Variants in PLXNC1 observed in about 807,000 individuals in gnomAD.
The protein encoded by PLXNC1 is plexin C1, also known as plexin-C1.
In PLXNC1, 75 loss-of-function variants were observed where a neutral mutation model predicts 178.2. The observed-to-expected ratio is 0.42, with a 90% CI of 0.35 to 0.51. PLXNC1 has a LOEUF of 0.51. Ranked by LOEUF, PLXNC1 falls within the 20% of genes least tolerant of loss-of-function variation. The pLI, the probability that PLXNC1 is intolerant of heterozygous loss-of-function variation, is 0.02. For missense variants in PLXNC1, 1,503 were observed against 1,984.4 expected, an observed-to-expected ratio of 0.76 and a Z score of 4.61; for synonymous variants, 790 against 779.9, an observed-to-expected ratio of 1.01 and a Z score of -0.22.
chr12:94,180,907 G>A (rs141931155), intron 2 of PLXNC1, among the ~76,000 whole-genome samples: 484 of 152,164 alleles, frequency 3.2e-3, no homozygotes, highest in Non-Finnish European at 4.9e-3. Context: ...CCTGAAGAGC[G>A]GCTTTTTTTG....
intron 2 of PLXNC1, among the ~76,000 whole-genome samples, chr12:94,171,080 T>G (rs1961825429): frequency 6.6e-6 from 1 of 152,222 alleles, no homozygotes; most frequent in African/African-American, 2.4e-5. Context: ...CATGGTGAAT[T>G]GGAGGTGAAG....
At chr12:94,219,400 T>G (rs1963729154) in intron 5 of PLXNC1, among the ~76,000 whole-genome samples, 1 of 152,244 alleles carries the variant, frequency 6.6e-6, no homozygotes, top group Non-Finnish European at 1.5e-5. Flanking sequence ...AGTTGGACCC[T>G]TATCTCACAC....
At chr12:94,184,089 C>G (rs1406398289) in intron 3 of PLXNC1, among the ~76,000 whole-genome samples, 1 of 150,378 alleles carries the variant, frequency 6.6e-6, no homozygotes, top group Non-Finnish European at 1.5e-5. Context: ...GAGGGCAGGT[C>G]TAATGTAGTA....
chr12:94,243,040 A>C (rs933486231), intron 11 of PLXNC1, among the ~76,000 whole-genome samples: 1 of 152,246 alleles, frequency 6.6e-6, no homozygotes, highest in Non-Finnish European at 1.5e-5. Context: ...TGTGGCTCTA[A>C]ATGCTGGCCA....
At chr12:94,212,432 C>T (rs1454082916) in intron 5 of PLXNC1, among the ~76,000 whole-genome samples, 2 of 152,012 alleles carry the variant, frequency 1.3e-5, no homozygotes, top group Non-Finnish European at 2.9e-5. Flanking sequence ...CCCATCAGCT[C>T]GTCATTTACA....
At chr12:94,188,146 A>AG (rs1211312634) in intron 4 of PLXNC1, among the ~76,000 whole-genome samples, 1 of 151,512 alleles carries the variant, frequency 6.6e-6, no homozygotes, top group African/African-American at 2.4e-5. Flanking sequence ...GCAGGTGACA[A>AG]TGGGTGACTG....
rs537623729 is a variant in PLXNC1 at position 94,208,556 on chromosome 12, CA to C, written c.1440-1033del. Among the ~76,000 whole-genome samples the C allele has an allele frequency of 1.6e-3, 248 of 151,976 alleles. 1 individual carries two copies. The highest frequency in any genetic ancestry group is 5.4e-3 in the African/African-American group (226 of 41,538). On this transcript the variant is annotated intron_variant, in intron 4 of 30. Transcript: ENST00000258526. ...GGGACTCCCCGTAGCTGAATGTGGT[CA>C]TCATTTGGTTGCTTTTCAATCTCAT...
Position 94,260,493 on chromosome 12 carries a change from G to A in PLXNC1, c.3252-149G>A, listed in dbSNP as rs1246231186. ...AGAAAATGTTCTAGAGATAGAAGTG[G>A]TTAGAATCTAAACATTAAAAAAAAA... On this transcript the variant is annotated intron_variant, in intron 19 of 30. Coordinates refer to ENST00000258526, the MANE Select transcript of PLXNC1 (RefSeq NM_005761.3). The surrounding 1 kb of genome is among the most constrained non-coding windows in gnomAD (Gnocchi z 4.4). 3 of 566,706 alleles carry A rather than the reference G, an allele frequency of 5.3e-6. No individual in the cohort carries two copies. In the Admixed American group the frequency reaches 1.1e-4, roughly 21 times the overall value. 35.1% of individuals were successfully genotyped at this position (566,706 alleles called of 1,614,324 possible). A position where few individuals can be genotyped will look rare whatever the true frequency, so the allele number is the denominator to read the frequency against.
chr12:94,243,946 A>C lies in PLXNC1; in HGVS notation c.2309A>C (p.Gln770Pro). The change falls in exon 12 of 31, where the codon CAA becomes CCA. Residue 770 changes from glutamine to proline, a missense_variant. Physicochemically the swap from Gln to Pro is moderately conservative, Grantham distance 76. Around this residue, in one of 4 missense-constraint regions of PLXNC1, gnomAD observed 639 missense variants for 979.7 expected, o/e 0.65. Coordinates refer to ENST00000258526, the MANE Select transcript of PLXNC1 (RefSeq NM_005761.3). ...GCTTTTATTCCTTGCAGTGGTGGTC[A>C]AAATATAACCATGATGGGCAGAAAT... The part of the protein sequence containing the change: ...FPATTWISGG[Q>P]NITMMGRNFD... 1 of 1,581,492 alleles carries C rather than the reference A, an allele frequency of 6.3e-7. No individual in the cohort carries two copies. The highest frequency in any genetic ancestry group is 8.7e-7 in the Non-Finnish European group (1 of 1,152,976).
intron 23 of PLXNC1, among the ~76,000 whole-genome samples, chr12:94,291,291 A>T (rs1333481112): frequency 1.3e-5 from 2 of 152,248 alleles, no homozygotes; most frequent in Non-Finnish European, 2.9e-5. Context: ...GCTGGAGTGC[A>T]GTGGCACAAT....
At position 94,191,926 on chromosome 12, in the gene PLXNC1, A is replaced by G. The variant is rs1962741979; in HGVS notation, c.1439+5453A>G. On this transcript the variant is annotated intron_variant, in intron 4 of 30. Transcript: ENST00000258526. Reference sequence around the variant, plus strand: ...TGGAAAGTGAATTTTTGCAGGCTGAATATCTTGGGTTTGGAAGCAGTTTCT... The same window carrying G: ...TGGAAAGTGAATTTTTGCAGGCTGAGTATCTTGGGTTTGGAAGCAGTTTCT... 3.3e-5 allele frequency among the ~76,000 whole-genome samples: 5 copies of G among 152,262 alleles called. No homozygotes were observed. In the South Asian group the frequency reaches 1.0e-3, roughly 32 times the overall value.
Position 94,149,493 on chromosome 12 carries a change from C to T in PLXNC1, c.522C>T (p.Arg174=). 1 of 1,530,028 alleles carries T rather than the reference C, an allele frequency of 6.5e-7. No homozygotes were observed. The highest frequency in any genetic ancestry group is 8.7e-7 in the Non-Finnish European group (1 of 1,144,264). The allele number at this position is 1,530,028 out of a possible 1,614,324, so 94.8% of individuals were successfully genotyped here. Residue 174 remains arginine, a synonymous_variant, in exon 1 of 31, where the codon CGC becomes CGT. Transcript: ENST00000258526. ...TGTACCGCGCGGGCCGGAACAACCGCTGGTACCTGGCGGTGGCCGCCACCT... is the reference window on the plus strand; with the variant it reads ...TGTACCGCGCGGGCCGGAACAACCGTTGGTACCTGGCGGTGGCCGCCACCT... The part of the protein sequence containing the change: ...GVVYRAGRNN[R]WYLAVAATYV...
At position 94,149,580 on chromosome 12, in the gene PLXNC1, G is replaced by T; in HGVS notation, c.609G>T (p.Thr203=). Residue 203 remains threonine (T), a synonymous_variant, in exon 1 of 31, where the codon ACG becomes ACT. Coordinates refer to ENST00000258526, the MANE Select transcript of PLXNC1 (RefSeq NM_005761.3). ...ACCCCGCGGCATCCGACCACGACAC[G>T]GCCATCGCGCTCAAGGACACGGAGG... The part of the protein sequence containing the change: ...RCNPAASDHD[T]AIALKDTEGR... The T allele has an allele frequency of 6.4e-7, 1 of 1,568,402 alleles. No homozygotes were observed.
At chr12:94,184,122 TC>T (rs1962422927) in intron 3 of PLXNC1, among the ~76,000 whole-genome samples, 2 of 36,784 alleles carry the variant, frequency 5.4e-5, no homozygotes, top group Non-Finnish European at 6.5e-5. Flanking sequence ...TCTCTCTCTC[TC>T]TCTTTTTTTT....
intron 28 of PLXNC1, 82 bp from the exon 29 acceptor site, chr12:94,303,674 A>G (rs1315547744): frequency 2.4e-6 from 3 of 1,231,970 alleles, no homozygotes; most frequent in Non-Finnish European, 2.2e-6. Context: ...CTACATTGGA[A>G]TATTATAAAT....
intron 21 of PLXNC1, among the ~76,000 whole-genome samples, chr12:94,272,613 C>T (rs193261868): frequency 1.7e-4 from 26 of 152,242 alleles, no homozygotes; most frequent in African/African-American, 5.1e-4. Flanking sequence ...TTGTTCGGAT[C>T]GAAGACTTCC....
Position 94,251,496 on chromosome 12 carries a change from T to C in PLXNC1, c.2849T>C (p.Val950Ala), listed in dbSNP as rs1964686641. 1 of 1,612,372 alleles carries C rather than the reference T, an allele frequency of 6.2e-7. No homozygotes were observed. The highest frequency in any genetic ancestry group is 1.1e-5 in the South Asian group (1 of 91,054). The change falls in exon 15 of 31, where the codon GTG becomes GCG. Residue 950 changes from valine to alanine, a missense_variant. This residue lies in a region of PLXNC1 where 639 missense variants were observed against 979.7 expected (regional missense o/e 0.65). Transcript: ENST00000258526. The part of the protein sequence containing the change: ...SVPSTWYFLI[V>A]LPVLLVIVIF... ...CCTTCCACATGGTATTTTCTGATTG[T>C]GCTCCCTGTCTTGCTAGTGATTGTC...
intron 4 of PLXNC1, among the ~76,000 whole-genome samples, chr12:94,201,180 T>C (rs1963104629): frequency 6.6e-6 from 1 of 152,220 alleles, no homozygotes; most frequent in South Asian, 2.1e-4. Context: ...GTACTCAAGG[T>C]ATGAAAGGAC....
At chr12:94,196,420 C>T (rs1475232635) in intron 4 of PLXNC1, among the ~76,000 whole-genome samples, 2 of 152,092 alleles carry the variant, frequency 1.3e-5, no homozygotes, top group Admixed American at 6.5e-5. Context: ...CCACCCTAGC[C>T]GTGTGACACA....
Sources: gnomAD v4.1 joint callset for allele counts (sites outside exome capture counted in the v4.1 genomes callset) on GRCh38, gnomAD v4.1.1 for gene constraint, gnomAD v4.1.1 regional missense constraint, Gnocchi (gnomAD v3.1) non-coding constraint, MANE v1.5 for transcripts, NCBI Gene and HGNC (gene_info 2026-07-23, HGNC 2026-07-21) for gene names.